ANKH: variants seen among roughly 807,000 people sequenced by gnomAD.
ANKH encodes the protein ANKH inorganic pyrophosphate transport regulator.
A neutral mutation model predicts 49.0 loss-of-function variants in ANKH; 15 were observed. That is an observed-to-expected ratio of 0.31 (90% CI 0.20 to 0.47). The LOEUF is 0.47. Ranked by LOEUF, ANKH falls within the 20% of genes least tolerant of loss-of-function variation. The probability of loss-of-function intolerance (pLI) is 1.00; values close to 1 mark genes in which losing one functional copy is unlikely to be tolerated. For synonymous variants in ANKH, 273 were observed against 260.0 expected, an observed-to-expected ratio of 1.05 and a Z score of -0.48; for missense variants, 429 against 652.0, an observed-to-expected ratio of 0.66 and a Z score of 3.72.
chr5:14,728,616 G>A (rs1281883528), intron 8 of ANKH, among the ~76,000 whole-genome samples: 1 of 152,168 alleles, frequency 6.6e-6, no homozygotes, highest in African/African-American at 2.4e-5. Flanking sequence ...TGCCACCGCT[G>A]GAATATGGCC....
chr5:14,721,764 A>G (rs1737671080), intron 8 of ANKH, among the ~76,000 whole-genome samples: 1 of 151,930 alleles, frequency 6.6e-6, no homozygotes, highest in Non-Finnish European at 1.5e-5. Flanking sequence ...CCCCATCTCT[A>G]CTAAAAATAC....
intron 1 of ANKH, among the ~76,000 whole-genome samples, chr5:14,782,520 C>T (rs1465480039): frequency 6.6e-6 from 1 of 152,124 alleles, no homozygotes; most frequent in East Asian, 1.9e-4. Flanking sequence ...ATAGTTGATG[C>T]TAAATTCTGT....
chr5:14,838,914 C>T (rs943629576), intron 1 of ANKH, among the ~76,000 whole-genome samples: 1 of 152,146 alleles, frequency 6.6e-6, no homozygotes, highest in Non-Finnish European at 1.5e-5. Context: ...AACCGACTCG[C>T]TATCCACGTG....
intron 1 of ANKH, among the ~76,000 whole-genome samples, chr5:14,858,750 TAAATAA>T (rs1202784672): frequency 1.9e-5 from 2 of 103,950 alleles, no homozygotes; most frequent in Non-Finnish European, 4.1e-5. Context: ...AATAAATAAA[TAAATAA>T]ATAAAATAAA....
chr5:14,756,685 C>T (rs1340859307), intron 3 of ANKH, among the ~76,000 whole-genome samples: 1 of 152,096 alleles, frequency 6.6e-6, no homozygotes, highest in Non-Finnish European at 1.5e-5. Flanking sequence ...TCTGCAAACA[C>T]AGCTGTGGGC....
intron 1 of ANKH, among the ~76,000 whole-genome samples, chr5:14,800,727 C>CTTTTTCT (rs1740543205): frequency 7.4e-6 from 1 of 135,314 alleles, no homozygotes; most frequent in African/African-American, 2.8e-5. Flanking sequence ...CATTTTTTTT[C>CTTTTTCT]TTTTTTTTTT....
At chr5:14,722,994 C>G (rs1378194096) in intron 8 of ANKH, among the ~76,000 whole-genome samples, 1 of 152,006 alleles carries the variant, frequency 6.6e-6, no homozygotes, top group Non-Finnish European at 1.5e-5. Context: ...AAGACAAACC[C>G]CAGACAAACG....
At chr5:14,814,437 C>T (rs1411028958) in intron 1 of ANKH, among the ~76,000 whole-genome samples, 4 of 152,062 alleles carry the variant, frequency 2.6e-5, no homozygotes, top group African/African-American at 9.7e-5. Flanking sequence ...CTTGTCTCTA[C>T]AGAAAAAATG....
intron 1 of ANKH, among the ~76,000 whole-genome samples, chr5:14,852,569 A>G (rs1742148193): frequency 6.6e-6 from 1 of 152,202 alleles, no homozygotes; most frequent in Non-Finnish European, 1.5e-5. Context: ...GGTTTGTTAT[A>G]TAGGTAAGCT....
At chr5:14,783,505 C>T (rs1357454555) in intron 1 of ANKH, among the ~76,000 whole-genome samples, 1 of 152,158 alleles carries the variant, frequency 6.6e-6, no homozygotes, top group African/African-American at 2.4e-5. Context: ...TATTGATGCA[C>T]AGTATTCTAG....
At position 14,713,741 on chromosome 5, in the gene ANKH, C is replaced by T. The variant is rs1286599899; in HGVS notation, c.1142-74G>A. On this transcript the variant is annotated intron_variant, in intron 9 of 11. Transcript: ENST00000284268. This position sits in a 1 kb window ranked among gnomAD's most constrained non-coding sequence, Gnocchi z 4.4. ...CCATCCTGCTGCCTCTGGACCAGGG[C>T]AGCACATCCGAGAGCCAGGGGCTGC... is the stretch of plus-strand genomic sequence containing the variant. The T allele has an allele frequency of 3.1e-6, 5 of 1,606,094 alleles. No individual in the cohort carries two copies. Among genetic ancestry groups the T allele is most frequent in the African/African-American group, 1.3e-5 (1 of 74,778 alleles).
At chr5:14,718,674 G>T (rs572603790) in intron 8 of ANKH, among the ~76,000 whole-genome samples, 1 of 152,182 alleles carries the variant, frequency 6.6e-6, no homozygotes, top group Admixed American at 6.5e-5. Context: ...ACCGGGCATG[G>T]TGGTGCATCT....
chr5:14,747,127 G>A (rs551731327), intron 6 of ANKH, among the ~76,000 whole-genome samples: 1 of 152,204 alleles, frequency 6.6e-6, no homozygotes, highest in Non-Finnish European at 1.5e-5. Flanking sequence ...TTGCGTGGTT[G>A]TTGATGGCTC....
intron 1 of ANKH, among the ~76,000 whole-genome samples, chr5:14,858,715 CAATAAATAAATA>C (rs141592621): frequency 0.013 from 1,884 of 139,832 alleles, 33 homozygotes; most frequent in African/African-American, 0.042. Flanking sequence ...GAATCCATCT[CAATAAATAAATA>C]AATAAATAAA....
chr5:14,857,482 C>A lies in ANKH; in HGVS notation c.96+13870G>T, dbSNP rs150700992. ...CCAACCTGGCCAGTATAGTGAAACC[C>A]CATCTCTACTTAAAAAAATACAAAA... On this transcript the variant is annotated intron_variant, in intron 1 of 11. Coordinates refer to ENST00000284268, the MANE Select transcript of ANKH (RefSeq NM_054027.6). Among the ~76,000 whole-genome samples, 11 of 152,000 alleles carry A rather than the reference C, an allele frequency of 7.2e-5. No homozygotes were observed. In the East Asian group the frequency reaches 2.1e-3, roughly 29 times the overall value.
At position 14,712,965 on chromosome 5, in the gene ANKH, C is replaced by T. The variant is rs1737291807; in HGVS notation, c.1274G>A (p.Gly425Asp). 2 of 1,613,028 alleles carry T rather than the reference C, an allele frequency of 1.2e-6. No homozygotes were observed. Among genetic ancestry groups the T allele is most frequent in the African/African-American group, 1.3e-5 (1 of 75,034 alleles). Residue 425 changes from glycine to aspartate, a missense_variant, in exon 11 of 12, where the codon GGT becomes GAT. By Grantham distance (94) the Gly-to-Asp change is moderately conservative (BLOSUM62 -1). This residue lies in a region of ANKH where 378 missense variants were observed against 615.3 expected (regional missense o/e 0.61). Coordinates refer to ENST00000284268, the MANE Select transcript of ANKH (RefSeq NM_054027.6). ...LVVLPYLGVH[G>D]ATLGVGSLLA... Reference sequence around the variant, plus strand: ...GAGGGAGCCCACGCCCAGGGTCGCACCGTGCACCCTGCAGATGAGAACACA... The same window carrying T: ...GAGGGAGCCCACGCCCAGGGTCGCATCGTGCACCCTGCAGATGAGAACACA...
At chr5:14,854,486 C>T (rs1742202489) in intron 1 of ANKH, among the ~76,000 whole-genome samples, 1 of 152,080 alleles carries the variant, frequency 6.6e-6, no homozygotes, top group South Asian at 2.1e-4. Flanking sequence ...TTGAGACTAG[C>T]CTGGACAACA....
At chr5:14,744,368 G>A (rs1276930560) in intron 7 of ANKH, among the ~76,000 whole-genome samples, 2 of 152,190 alleles carry the variant, frequency 1.3e-5, no homozygotes, top group African/African-American at 4.8e-5. Flanking sequence ...CTCAGTACAG[G>A]GTTCTGGGTC....
intron 1 of ANKH, among the ~76,000 whole-genome samples, chr5:14,863,116 C>T (rs1299943267): frequency 6.6e-6 from 1 of 152,132 alleles, no homozygotes; most frequent in Admixed American, 6.5e-5. Context: ...AAACTGAGTC[C>T]TTAGTAACCA....
Sources: gnomAD v4.1 joint callset for allele counts (sites outside exome capture counted in the v4.1 genomes callset) on GRCh38, gnomAD v4.1.1 for gene constraint, gnomAD v4.1.1 regional missense constraint, Gnocchi (gnomAD v3.1) non-coding constraint, MANE v1.5 for transcripts, NCBI Gene and HGNC (gene_info 2026-07-23, HGNC 2026-07-21) for gene names.